CMTR1: variants seen among roughly 807,000 people sequenced by gnomAD.
The protein encoded by CMTR1 is cap-specific mRNA (nucleoside-2'-O-)-methyltransferase 1.
CMTR1 carries 39 observed loss-of-function variants against 107.0 expected under a neutral mutation model. The observed-to-expected ratio is 0.36, with a 90% CI of 0.28 to 0.48. The LOEUF (loss-of-function observed/expected upper bound fraction) is 0.48. Ranked by LOEUF, CMTR1 falls within the 20% of genes least tolerant of loss-of-function variation. CMTR1 has a pLI of 0.99. For missense variants in CMTR1, 672 were observed against 1,064.9 expected, an observed-to-expected ratio of 0.63 and a Z score of 5.14; for synonymous variants, 366 against 379.5, an observed-to-expected ratio of 0.96 and a Z score of 0.41.
chr6:37,427,933 T>C, the CMTR1 span, among the ~76,000 whole-genome samples: 10 of 151,770 alleles, frequency 6.6e-5, 1 homozygote, highest in African/African-American at 2.4e-4. This position sits in a 1 kb window ranked among gnomAD's most constrained non-coding sequence, Gnocchi z 4.4. Flanking sequence ...TGGTTTCTGA[T>C]GTAAGATCCA....
intron 13 of CMTR1, 129 bp downstream of exon 13, chr6:37,463,137 G>T: frequency 1.1e-6 from 1 of 935,936 alleles, no homozygotes; most frequent in South Asian, 1.5e-5. Flanking sequence ...GGTTTGGTCT[G>T]CTGGTTTCAG....
chr6:37,454,220 C>T (rs77434071), intron 8 of CMTR1, among the ~76,000 whole-genome samples: 2,269 of 152,326 alleles, frequency 0.015, 50 homozygotes, highest in African/African-American at 0.052. Context: ...CTTCACTCAC[C>T]CTCATTCCAC....
At chr6:37,451,012 G>A (rs927192051) in intron 5 of CMTR1, among the ~76,000 whole-genome samples, 3 of 151,632 alleles carry the variant, frequency 2.0e-5, no homozygotes, top group Admixed American at 6.6e-5. Context: ...AGATGCTGAA[G>A]AAATTTGCAA....
At chr6:37,442,711 TAGC>T (rs1771700647) in intron 2 of CMTR1, among the ~76,000 whole-genome samples, 1 of 152,212 alleles carries the variant, frequency 6.6e-6, no homozygotes, top group Non-Finnish European at 1.5e-5. Flanking sequence ...TGTCAACCCT[TAGC>T]AGGTTTTGGT....
At chr6:37,473,149 T>TG (rs1761663435) in intron 16 of CMTR1, among the ~76,000 whole-genome samples, 1 of 152,176 alleles carries the variant, frequency 6.6e-6, no homozygotes, top group Non-Finnish European at 1.5e-5. Context: ...GGAGAATCCT[T>TG]GCTTTGAGTT....
At chr6:37,426,811 A>C in the CMTR1 span, among the ~76,000 whole-genome samples, 56 of 152,300 alleles carry the variant, frequency 3.7e-4, no homozygotes, top group South Asian at 0.011. Context: ...TCTGGCTCCC[A>C]AAAGGAGAAA....
chr6:37,425,319 CAA>C, the CMTR1 span, among the ~76,000 whole-genome samples: 3 of 136,264 alleles, frequency 2.2e-5, no homozygotes, highest in African/African-American at 8.5e-5. Context: ...TTCCCCGAGA[CAA>C]AGTCTTGCTC....
In CMTR1 at chr6:37,450,962, A is replaced by G. The variant is rs867270427; in HGVS notation, c.537+619A>G. ...ATGATGTGATATTACAACAGATTGA[A>G]TGAAAAAGCAAAGAGGAAAATCTGG... On this transcript the variant is annotated intron_variant, in intron 5 of 23. Coordinates refer to ENST00000373451, the MANE Select transcript of CMTR1 (RefSeq NM_015050.3). 2.4e-4 allele frequency among the ~76,000 whole-genome samples: 36 copies of G among 152,348 alleles called. No individual in the cohort carries two copies. The South Asian group carries it at 6.8e-3, about 29-fold the overall frequency.
chr6:37,462,239 A>T, intron 12 of CMTR1, 137 bp downstream of exon 12: 1 of 1,019,966 alleles, frequency 9.8e-7, no homozygotes, highest in Non-Finnish European at 1.5e-6. Context: ...AGCCAACAGG[A>T]TTCAGGATTC....
At chr6:37,453,212 A>C (rs761110110) in intron 7 of CMTR1, 28 bp from the exon 8 acceptor site, 11 of 1,612,322 alleles carry the variant, frequency 6.8e-6, no homozygotes, top group Non-Finnish European at 9.3e-6. Context: ...TAGTACATCT[A>C]GTACTTTTCT....
At chr6:37,442,158 A>G (rs1771689592) in intron 2 of CMTR1, among the ~76,000 whole-genome samples, 1 of 152,212 alleles carries the variant, frequency 6.6e-6, no homozygotes, top group Non-Finnish European at 1.5e-5. Context: ...GTACCCCATT[A>G]TATGTAGCAT....
rs1416822569 is a variant in CMTR1, at chr6:37,480,935, C to T, written c.*790C>T. 13 of 1,227,236 alleles carry T rather than the reference C, an allele frequency of 1.1e-5. No homozygotes were observed. Among genetic ancestry groups the T allele is most frequent in the South Asian group, 2.9e-5 (2 of 67,922 alleles). 76.0% of individuals were successfully genotyped at this position (1,227,236 alleles called of 1,614,324 possible). On this transcript the variant is annotated 3_prime_UTR_variant, in exon 24 of 24. Transcript: ENST00000373451. Reference sequence around the variant, plus strand: ...ATGGCAGGAAGCAGCCTTGAAGACCCGTCTTTCCCCCACAGCAGCAGGGGC... The same window carrying T: ...ATGGCAGGAAGCAGCCTTGAAGACCTGTCTTTCCCCCACAGCAGCAGGGGC...
At chr6:37,477,782 C>A in intron 21 of CMTR1, 143 bp downstream of exon 21, 2 of 727,236 alleles carry the variant, frequency 2.8e-6, no homozygotes, top group Admixed American at 1.9e-5. Flanking sequence ...TCATCTGCCT[C>A]GCTGCAGCAC....
Position 37,476,165 on chromosome 6 carries a change from G to C in CMTR1, c.2076G>C (p.Lys692Asn). The change falls in exon 20 of 24, where the codon AAG becomes AAC. Residue 692 changes from lysine to asparagine, a missense_variant. This residue lies in a region of CMTR1 where 583 missense variants were observed against 968.4 expected (regional missense o/e 0.60). Transcript: ENST00000373451. ...AGAAATTTGTGAAAGCCGTTTCCAAGCCTAGTCGGCCCGACATGAATCCCA... is the reference window on the plus strand; with the variant it reads ...AGAAATTTGTGAAAGCCGTTTCCAACCCTAGTCGGCCCGACATGAATCCCA... ...LAEKFVKAVSKPSRPDMNPIR... is the reference protein window; with the variant it reads ...LAEKFVKAVSNPSRPDMNPIR... 1 of 1,614,128 alleles carries C rather than the reference G, an allele frequency of 6.2e-7. No homozygotes were observed. The highest frequency in any genetic ancestry group is 8.5e-7 in the Non-Finnish European group (1 of 1,179,996).
chr6:37,436,197 G>A (rs1279277962), intron 2 of CMTR1: 2 of 155,040 alleles, frequency 1.3e-5, no homozygotes, highest in South Asian at 2.0e-4. Context: ...TTCAGCGGTT[G>A]TGGTCAGAAG....
intron 5 of CMTR1, 60 bp downstream of exon 5, chr6:37,450,403 C>G (rs778788953): frequency 1.3e-5 from 16 of 1,276,418 alleles, no homozygotes; most frequent in Non-Finnish European, 1.4e-5. Flanking sequence ...TTCACTTGCT[C>G]GAGTCTGGTA....
chr6:37,465,731 G>A (rs1204088071), intron 13 of CMTR1, among the ~76,000 whole-genome samples: 1 of 152,132 alleles, frequency 6.6e-6, no homozygotes, highest in Non-Finnish European at 1.5e-5. Context: ...ATGACCTCAG[G>A]TGATCTGCCC....
intron 10 of CMTR1, among the ~76,000 whole-genome samples, chr6:37,460,492 TGCTTCAGC>T (rs1317541553): frequency 6.6e-6 from 1 of 151,014 alleles, no homozygotes; most frequent in Non-Finnish European, 1.5e-5. Flanking sequence ...AAGGGCTTTC[TGCTTCAGC>T]ACTTCAGCAG....
the CMTR1 span, among the ~76,000 whole-genome samples, chr6:37,427,469 A>C: frequency 6.6e-6 from 1 of 152,240 alleles, no homozygotes; most frequent in Non-Finnish European, 1.5e-5. The surrounding 1 kb of genome is among the most constrained non-coding windows in gnomAD (Gnocchi z 4.4). Flanking sequence ...CTTTCAGTGG[A>C]CTGTAGAAAG....
Sources: allele counts gnomAD v4.1 joint callset (sites outside exome capture counted in the v4.1 genomes callset), GRCh38; gene constraint gnomAD v4.1.1; regional missense constraint gnomAD v4.1.1; non-coding constraint Gnocchi (gnomAD v3.1); transcripts MANE v1.5; gene names NCBI Gene and HGNC (gene_info 2026-07-23, HGNC 2026-07-21).